The following TMEM117 variants were observed in gnomAD, a reference collection of about 807,000 sequenced individuals.
TMEM117 encodes the protein transmembrane protein 117.
Under a neutral mutation model 52.4 loss-of-function variants are expected in TMEM117, and 27 were observed. That is an observed-to-expected ratio of 0.51 (90% CI 0.38 to 0.71). The LOEUF (loss-of-function observed/expected upper bound fraction) is 0.71. Ranked by LOEUF, TMEM117 falls within the 30% of genes least tolerant of loss-of-function variation. The probability of loss-of-function intolerance (pLI) is 0.00; values close to 1 mark genes in which losing one functional copy is unlikely to be tolerated. For synonymous variants in TMEM117, 215 were observed against 206.3 expected, an observed-to-expected ratio of 1.04 and a Z score of -0.36; for missense variants, 556 against 630.5, an observed-to-expected ratio of 0.88 and a Z score of 1.26.
At chr12:44,151,328 CCTTTTTTTTTTGATGGAATTTT>C (rs1948720461) in intron 4 of TMEM117, among the ~76,000 whole-genome samples, 1 of 149,970 alleles carries the variant, frequency 6.7e-6, no homozygotes, top group Non-Finnish European at 1.5e-5. Flanking sequence ...AAGTTCCGCA[CCTTTTTTTTTTGATGGAATTTT>C]CTTTTTTTTT....
chr12:43,865,444 C>A (rs1943574878), intron 2 of TMEM117, among the ~76,000 whole-genome samples: 1 of 152,142 alleles, frequency 6.6e-6, no homozygotes, highest in Non-Finnish European at 1.5e-5. Flanking sequence ...GACCTGTAAT[C>A]CCAGCACTTT....
chr12:44,064,919 G>A (rs914677032), intron 3 of TMEM117, among the ~76,000 whole-genome samples: 1 of 152,100 alleles, frequency 6.6e-6, no homozygotes, highest in Non-Finnish European at 1.5e-5. Context: ...AAAAGGGGGG[G>A]TAACTATGTG....
chr12:44,197,130 G>C (rs1460321545), intron 4 of TMEM117, among the ~76,000 whole-genome samples: 1 of 152,122 alleles, frequency 6.6e-6, no homozygotes, highest in Admixed American at 6.5e-5. Context: ...CATGTAGTAG[G>C]CATTTCATTT....
intron 3 of TMEM117, among the ~76,000 whole-genome samples, chr12:44,018,920 G>A (rs529992585): frequency 8.6e-5 from 13 of 151,730 alleles, no homozygotes; most frequent in Admixed American, 7.2e-4. Flanking sequence ...GGGTTTCACC[G>A]TGTTGGCCAG....
At chr12:44,133,455 C>T (rs764715474) in intron 3 of TMEM117, among the ~76,000 whole-genome samples, 1 of 152,158 alleles carries the variant, frequency 6.6e-6, no homozygotes, top group Non-Finnish European at 1.5e-5. Flanking sequence ...CTGAAATGTT[C>T]ACAAGATGGG....
intron 5 of TMEM117, among the ~76,000 whole-genome samples, chr12:44,239,946 C>A (rs981925365): frequency 3.3e-5 from 5 of 151,966 alleles, no homozygotes; most frequent in African/African-American, 1.2e-4. Context: ...GTAATTTCTG[C>A]TTTCCATTTG....
At chr12:44,069,104 T>C (rs1947263783) in intron 3 of TMEM117, among the ~76,000 whole-genome samples, 3 of 152,224 alleles carry the variant, frequency 2.0e-5, no homozygotes, top group South Asian at 2.1e-4. Flanking sequence ...TGACTGACTA[T>C]GCATATTGCT....
At position 44,055,270 on chromosome 12, in the gene TMEM117, A is replaced by G. The variant is rs181884679; in HGVS notation, c.411-88255A>G. 2.2e-3 allele frequency among the ~76,000 whole-genome samples: 341 copies of G among 152,244 alleles called. 3 individuals carry two copies. Among genetic ancestry groups the G allele is most frequent in the African/African-American group, 7.8e-3 (324 of 41,508 alleles). ...ATTAGATAAAATTGTATCAAATAAA[A>G]ATTTTGTACATCTGTACTGATTATT... On this transcript the variant is annotated intron_variant, in intron 3 of 7. Transcript: ENST00000266534.
intron 6 of TMEM117, among the ~76,000 whole-genome samples, chr12:44,374,074 G>A (rs1030081409): frequency 2.6e-5 from 4 of 151,960 alleles, no homozygotes; most frequent in Non-Finnish European, 5.9e-5. Context: ...GAGCCAACAC[G>A]CCTGGCCAGG....
chr12:44,124,487 C>G (rs955984318), intron 3 of TMEM117, among the ~76,000 whole-genome samples: 1 of 152,152 alleles, frequency 6.6e-6, no homozygotes, highest in Non-Finnish European at 1.5e-5. Flanking sequence ...TGCCAGTTTT[C>G]AAGGGGAATG....
chr12:44,181,697 T>A (rs1030624976), intron 4 of TMEM117, among the ~76,000 whole-genome samples: 3 of 151,866 alleles, frequency 2.0e-5, no homozygotes, highest in Non-Finnish European at 4.4e-5. Flanking sequence ...GGCTCTGTTC[T>A]GTTCCATTGA....
At chr12:44,147,276 A>T (rs1303657961) in intron 4 of TMEM117, among the ~76,000 whole-genome samples, 1 of 152,162 alleles carries the variant, frequency 6.6e-6, no homozygotes, top group Non-Finnish European at 1.5e-5. Flanking sequence ...ATTTCCAGGT[A>T]TCCACCCGTG....
intron 2 of TMEM117, among the ~76,000 whole-genome samples, chr12:43,864,711 A>G (rs1039900349): frequency 6.7e-5 from 10 of 150,356 alleles, no homozygotes; most frequent in African/African-American, 2.4e-4. Context: ...AAATAGACCA[A>G]TCGACTCTCT....
chr12:44,079,078 GTA>G (rs1229157086), intron 3 of TMEM117, among the ~76,000 whole-genome samples: 1 of 152,070 alleles, frequency 6.6e-6, no homozygotes, highest in Non-Finnish European at 1.5e-5. Flanking sequence ...ATCCCATGGT[GTA>G]TATGTGCCAC....
chr12:43,889,104 T>G (rs1211799699), intron 2 of TMEM117, among the ~76,000 whole-genome samples: 5 of 149,526 alleles, frequency 3.3e-5, no homozygotes, highest in Non-Finnish European at 7.4e-5. Context: ...TTTTTTGAGA[T>G]GGAGTTTTGC....
At chr12:43,895,764 C>CATGCTA (rs924871539) in intron 2 of TMEM117, among the ~76,000 whole-genome samples, 5 of 152,186 alleles carry the variant, frequency 3.3e-5, no homozygotes, top group African/African-American at 1.2e-4. Flanking sequence ...GCTAAAGGTC[C>CATGCTA]ATGCTAATGC....
intron 4 of TMEM117, among the ~76,000 whole-genome samples, chr12:44,145,646 A>G (rs1476914781): frequency 1.3e-5 from 2 of 152,206 alleles, no homozygotes; most frequent in Non-Finnish European, 2.9e-5. Context: ...TCATTGATCC[A>G]AACCTCAGGA....
intron 3 of TMEM117, among the ~76,000 whole-genome samples, chr12:44,086,525 A>C (rs1222842680): frequency 6.6e-6 from 1 of 151,922 alleles, no homozygotes; most frequent in Admixed American, 6.6e-5. Context: ...ACAACTCTTG[A>C]TTCCTGCCTC....
chr12:44,167,775 G>C (rs1479330797), intron 4 of TMEM117, among the ~76,000 whole-genome samples: 1 of 152,156 alleles, frequency 6.6e-6, no homozygotes, highest in East Asian at 1.9e-4. Flanking sequence ...TTCTTCCCTA[G>C]AAGAGTAGAG....
Sources: allele counts gnomAD v4.1 joint callset (sites outside exome capture counted in the v4.1 genomes callset), GRCh38; gene constraint gnomAD v4.1.1; transcripts MANE v1.5; gene names NCBI Gene and HGNC (gene_info 2026-07-23, HGNC 2026-07-21).